The following SHROOM4 variants were observed in gnomAD, a reference collection of about 807,000 sequenced individuals.
SHROOM4 encodes the protein shroom family member 4.
Under a neutral mutation model 80.3 loss-of-function variants are expected in SHROOM4, and 17 were observed. The ratio of observed to expected loss-of-function variants is 0.21; its 90% CI spans 0.14 to 0.32. The LOEUF (loss-of-function observed/expected upper bound fraction) is 0.32. Among genes scored for constraint, SHROOM4 ranks in the 10% least tolerant of loss-of-function variants. SHROOM4 has a pLI of 1.00. For synonymous variants in SHROOM4, 400 were observed against 437.5 expected (o/e 0.91, Z 1.07); for missense variants, 993 against 1,140.3 (o/e 0.87, Z 1.86).
At position 50,607,734 on chromosome X, in the gene SHROOM4, C is replaced by T. The variant is rs782105026; in HGVS notation, c.3408G>A (p.Glu1136=). Residue 1136 remains glutamate (E), a synonymous_variant, in exon 6 of 9, where the codon GAG becomes GAA. Coordinates refer to ENST00000376020, the MANE Select transcript of SHROOM4 (RefSeq NM_020717.5). ...QQQKQQEEEE[E]EEEEEEEEEE... is the part of the protein sequence containing the mutation. ...CTTCCTCTTCTTCTTCTTCTTCCTC[C>T]TCCTCCTCCTCCTCCTGTTGCTTCT... 1.3e-5 allele frequency: 15 copies of T among 1,178,071 alleles called. No homozygotes were observed. In the Admixed American group the frequency reaches 3.4e-4, roughly 27 times the overall value.
chrX:50,600,309 C>T (rs1174613813), intron 7 of SHROOM4, among the ~76,000 whole-genome samples: 1 of 111,527 alleles, frequency 9.0e-6, no homozygotes, highest in Non-Finnish European at 1.9e-5. Context: ...CCAGGCTGCC[C>T]ATAGCCTCTG....
In SHROOM4 at chrX:50,633,807, C is replaced by T. The variant is rs1557254878; in HGVS notation, c.2266G>A (p.Ala756Thr). Reference sequence around the variant, plus strand: ...TCCTCCCCAGCTTGAGCAGTAGAAGCCTTCAATTCCTTGTTGTCACCTGGG... The same window carrying T: ...TCCTCCCCAGCTTGAGCAGTAGAAGTCTTCAATTCCTTGTTGTCACCTGGG... ...SNPGDNKELKASTAQAGEDAI... is the reference protein window; with the variant it reads ...SNPGDNKELKTSTAQAGEDAI... Residue 756 changes from alanine (A) to threonine (T), a missense_variant, in exon 4 of 9, where the codon GCT (alanine) becomes ACT (threonine). Physicochemically the swap from Ala to Thr is moderately conservative, Grantham distance 58 (BLOSUM62 0). Transcript: ENST00000376020. 8.2e-7 allele frequency: 1 copy of T among 1,212,269 alleles called. No individual in the cohort carries two copies. The highest frequency in any genetic ancestry group is 1.1e-6 in the Non-Finnish European group (1 of 895,644).
At chrX:50,656,829 T>C (rs1932326113) in intron 2 of SHROOM4, among the ~76,000 whole-genome samples, 1 of 111,305 alleles carries the variant, frequency 9.0e-6, no homozygotes, top group South Asian at 3.7e-4. Flanking sequence ...TGTAGATTGT[T>C]TTCAGCAGTA....
chrX:50,803,122 G>A (rs181875124), intron 1 of SHROOM4, among the ~76,000 whole-genome samples: 217 of 111,939 alleles, frequency 1.9e-3, no homozygotes, highest in East Asian at 8.5e-4. Flanking sequence ...CCCGGGAGGC[G>A]GAGGTTGCAG....
chrX:50,638,336 G>A, intron 2 of SHROOM4, 28 bp from the exon 3 acceptor site: 1 of 1,210,847 alleles, frequency 8.3e-7, no homozygotes. Context: ...CAGGAAGTGG[G>A]CTGAAGGAAC....
At chrX:50,651,848 C>T (rs1423582248) in intron 2 of SHROOM4, among the ~76,000 whole-genome samples, 2 of 110,292 alleles carry the variant, frequency 1.8e-5, no homozygotes, top group Non-Finnish European at 3.8e-5. Flanking sequence ...TTTTCTGTTC[C>T]TGTGTTAGTT....
intron 1 of SHROOM4, among the ~76,000 whole-genome samples, chrX:50,751,692 G>C (rs1934922443): frequency 8.9e-6 from 1 of 111,820 alleles, no homozygotes; most frequent in Non-Finnish European, 1.9e-5. Flanking sequence ...ATTCTGTCCT[G>C]ACTTCATATT....
chrX:50,770,636 T>C (rs1404416521), intron 1 of SHROOM4, among the ~76,000 whole-genome samples: 4 of 112,066 alleles, frequency 3.6e-5, no homozygotes, highest in Non-Finnish European at 7.5e-5. Flanking sequence ...CATCACCCAA[T>C]TCAGACTTAG....
intron 1 of SHROOM4, among the ~76,000 whole-genome samples, chrX:50,739,976 T>C (rs1934611355): frequency 2.2e-5 from 1 of 46,390 alleles, no homozygotes; most frequent in Admixed American, 3.0e-4. Context: ...ATGTGGCACA[T>C]ATACACCATG....
chrX:50,626,980 T>C (rs781875146), intron 5 of SHROOM4, among the ~76,000 whole-genome samples: 15 of 111,402 alleles, frequency 1.3e-4, no homozygotes, highest in Non-Finnish European at 2.8e-4. Flanking sequence ...AGAGAAACAC[T>C]GTAATGTAGT....
chrX:50,577,343 G>T, the SHROOM4 span, among the ~76,000 whole-genome samples: 1 of 112,924 alleles, frequency 8.9e-6, no homozygotes, highest in Admixed American at 9.4e-5. Flanking sequence ...TTTTAGAACT[G>T]TTATTCACAT....
intron 8 of SHROOM4, among the ~76,000 whole-genome samples, chrX:50,597,912 C>G (rs1296799653): frequency 1.8e-5 from 2 of 111,265 alleles, no homozygotes; most frequent in Non-Finnish European, 3.8e-5. Flanking sequence ...AATCTTTGCT[C>G]ACGGCAGTCT....
chrX:50,797,351 T>C (rs1936037336), intron 1 of SHROOM4, among the ~76,000 whole-genome samples: 1 of 112,058 alleles, frequency 8.9e-6, no homozygotes, highest in African/African-American at 3.2e-5. Flanking sequence ...AGAGATAACC[T>C]TCTGTATGCT....
At chrX:50,749,814 T>C (rs1272218643) in intron 1 of SHROOM4, among the ~76,000 whole-genome samples, 3 of 111,908 alleles carry the variant, frequency 2.7e-5, no homozygotes, top group Non-Finnish European at 5.6e-5. Flanking sequence ...AGAGATTCTC[T>C]CTAAAATGGC....
In SHROOM4 at chrX:50,635,665, G is replaced by A. The variant is rs1299682253; in HGVS notation, c.408C>T (p.Asp136=). The A allele has an allele frequency of 3.3e-6, 4 of 1,207,408 alleles. No homozygotes were observed. Among genetic ancestry groups the A allele is most frequent in the South Asian group, 1.8e-5 (1 of 56,531 alleles). ...AGAGTGGACACCACTGCACACACAC[G>A]TCACTGTAAGACACAGGGCATACTG... ...LSWHSGCNTS[D]VCVQWCPLSR... The change falls in exon 4 of 9, where the codon GAC becomes GAT. Residue 136 remains aspartate (D), a synonymous_variant. Transcript: ENST00000376020.
chrX:50,587,674 G>A lies in SHROOM4; in HGVS notation c.*9021C>T, dbSNP rs993862941. 4.5e-5 allele frequency among the ~76,000 whole-genome samples: 5 copies of A among 111,971 alleles called. No homozygotes were observed. The highest frequency in any genetic ancestry group is 1.6e-4 in the African/African-American group (5 of 30,840). Reference sequence around the variant, plus strand: ...TCTTTCATTAGGATAAAAGCCCCACGAGAGTGGGGACTTTGTCTATCTTGT... The same window carrying A: ...TCTTTCATTAGGATAAAAGCCCCACAAGAGTGGGGACTTTGTCTATCTTGT... On this transcript the variant is annotated 3_prime_UTR_variant, in exon 9 of 9. Coordinates refer to ENST00000376020, the MANE Select transcript of SHROOM4 (RefSeq NM_020717.5).
the SHROOM4 span, among the ~76,000 whole-genome samples, chrX:50,575,991 C>G: frequency 3.6e-5 from 4 of 111,691 alleles, no homozygotes; most frequent in Admixed American, 2.9e-4. Context: ...GGAATCACCC[C>G]CTTTCAGTGC....
intron 1 of SHROOM4, among the ~76,000 whole-genome samples, chrX:50,697,186 A>AC (rs1933392258): frequency 8.9e-6 from 1 of 111,863 alleles, no homozygotes; most frequent in Non-Finnish European, 1.9e-5. Flanking sequence ...TCAGGTAAAA[A>AC]AGGCTCCAAC....
Position 50,649,289 on chromosome X carries a change from C to A in SHROOM4, c.270-10981G>T, listed in dbSNP as rs376478455. Among the ~76,000 whole-genome samples the A allele has an allele frequency of 2.0e-4, 22 of 112,143 alleles. No homozygotes were observed. In the South Asian group the frequency reaches 7.1e-3, roughly 36 times the overall value. ...AGCGAGCAGCTTGATGTGTGGACTG[C>A]AGTGCTAGAAAGAGGTTGGGGCACG... On this transcript the variant is annotated intron_variant, in intron 2 of 8. Transcript: ENST00000376020.
Sources: allele counts gnomAD v4.1 joint callset (sites outside exome capture counted in the v4.1 genomes callset), GRCh38; gene constraint gnomAD v4.1.1; transcripts MANE v1.5; gene names NCBI Gene and HGNC (gene_info 2026-07-23, HGNC 2026-07-21).